PDS5B: variants seen among roughly 807,000 people sequenced by gnomAD.
PDS5B encodes sister chromatid cohesion protein PDS5 homolog B.
Under a neutral mutation model 184.1 loss-of-function variants are expected in PDS5B, and 51 were observed. The observed-to-expected ratio is 0.28, with a 90% CI of 0.22 to 0.35. The LOEUF is 0.35. Among genes scored for constraint, PDS5B ranks in the 10% least tolerant of loss-of-function variants. The pLI, the probability that PDS5B is intolerant of heterozygous loss-of-function variation, is 1.00. For synonymous variants in PDS5B, 566 were observed against 569.2 expected, an observed-to-expected ratio of 0.99 and a Z score of 0.08; for missense variants, 1,180 against 1,723.3, an observed-to-expected ratio of 0.68 and a Z score of 5.58.
At chr13:32,603,818 A>G (rs570857616) in intron 1 of PDS5B, among the ~76,000 whole-genome samples, 11 of 152,186 alleles carry the variant, frequency 7.2e-5, no homozygotes, top group Non-Finnish European at 1.3e-4. Context: ...TAAGTTGGAT[A>G]CTTAGGTATT....
chr13:32,612,706 A>G (rs1374493229), intron 1 of PDS5B, among the ~76,000 whole-genome samples: 2 of 152,206 alleles, frequency 1.3e-5, no homozygotes, highest in Non-Finnish European at 2.9e-5. Context: ...GTTAGTTATC[A>G]CAGGAGTGGA....
chr13:32,678,238 C>T (rs993228901), intron 9 of PDS5B, among the ~76,000 whole-genome samples: 1 of 152,068 alleles, frequency 6.6e-6, no homozygotes, highest in African/African-American at 2.4e-5. Flanking sequence ...ACATATCAAC[C>T]AAAGAATTTT....
intron 31 of PDS5B, among the ~76,000 whole-genome samples, chr13:32,765,413 C>T (rs754028400): frequency 3.3e-5 from 5 of 152,116 alleles, no homozygotes; most frequent in African/African-American, 1.2e-4. Flanking sequence ...TTAAAATGTT[C>T]GAATCTACGT....
chr13:32,627,005 A>G lies in PDS5B; in HGVS notation c.-19-21749A>G, dbSNP rs78566656. 1.2e-4 allele frequency among the ~76,000 whole-genome samples: 16 copies of G among 137,544 alleles called. No individual in the cohort carries two copies. In the East Asian group the frequency reaches 2.2e-3, roughly 19 times the overall value. 90.2% of individuals were successfully genotyped at this position (137,544 alleles called of 152,430 possible). A position where few individuals can be genotyped will look rare whatever the true frequency, so the allele number is the denominator to read the frequency against. On this transcript the variant is annotated intron_variant, in intron 1 of 34. Coordinates refer to ENST00000315596, the MANE Select transcript of PDS5B (RefSeq NM_015032.4). The stretch of plus-strand genomic sequence containing the variant: ...TGTTTCCTGTTTTCCACTGATTTCT[A>G]TCTAGCACTTTTTTTTATCACATCA...
chr13:32,616,838 G>C (rs1225197559), intron 1 of PDS5B, among the ~76,000 whole-genome samples: 1 of 152,170 alleles, frequency 6.6e-6, no homozygotes, highest in Non-Finnish European at 1.5e-5. Flanking sequence ...AAATGCCCTA[G>C]TGTTTGTAAG....
intron 1 of PDS5B, among the ~76,000 whole-genome samples, chr13:32,637,439 G>C (rs1191405289): frequency 6.6e-6 from 1 of 152,098 alleles, no homozygotes; most frequent in Non-Finnish European, 1.5e-5. Flanking sequence ...AAAATTGGGA[G>C]ACATTTTGTT....
chr13:32,770,244 C>G lies in PDS5B; in HGVS notation c.3748C>G (p.Arg1250Gly). The change falls in exon 32 of 35, where the codon CGG becomes GGG. Residue 1250 changes from arginine (R) to glycine (G), a missense_variant. Arg to Gly is a moderately radical substitution (Grantham distance 125, BLOSUM62 -2). This residue lies in a region of PDS5B where 465 missense variants were observed against 497.8 expected (regional missense o/e 0.93). Transcript: ENST00000315596. ...EQKPKGSQRS[R>G]KRGHTASESD... ...GAAACCTAAAGGCAGTCAGCGAAGT[C>G]GGAAAAGAGGCCATACGGCTTCAGA... The G allele has an allele frequency of 1.2e-6, 2 of 1,613,508 alleles. No homozygotes were observed. Among genetic ancestry groups the G allele is most frequent in the East Asian group, 4.5e-5 (2 of 44,840 alleles).
intron 1 of PDS5B, among the ~76,000 whole-genome samples, chr13:32,648,093 G>C (rs1390626191): frequency 6.6e-6 from 1 of 152,162 alleles, no homozygotes. Context: ...CTGTATTCAT[G>C]TTGCCTTTCT....
chr13:32,617,994 T>G (rs1228869142), intron 1 of PDS5B, among the ~76,000 whole-genome samples: 1 of 152,146 alleles, frequency 6.6e-6, no homozygotes, highest in Non-Finnish European at 1.5e-5. Flanking sequence ...TTGTGTAGTC[T>G]GGTAAGGGCT....
At chr13:32,662,957 A>T (rs775674699) in intron 6 of PDS5B, among the ~76,000 whole-genome samples, 1 of 152,174 alleles carries the variant, frequency 6.6e-6, no homozygotes, top group Non-Finnish European at 1.5e-5. Flanking sequence ...GGAATATTTT[A>T]TGCTAACATA....
chr13:32,724,581 GTTGT>G (rs1011629252), intron 19 of PDS5B, among the ~76,000 whole-genome samples: 1 of 151,876 alleles, frequency 6.6e-6, no homozygotes, highest in Non-Finnish European at 1.5e-5. Context: ...CTTCTTTGTT[GTTGT>G]TTGTTTTGAT....
In PDS5B at chr13:32,777,426, G is replaced by A. The variant is rs1327245133; in HGVS notation, c.*2374G>A. On this transcript the variant is annotated 3_prime_UTR_variant, in exon 35 of 35. Transcript: ENST00000315596. ...TTGATGTCTTGAGTCTCCATCTTAG[G>A]GGATTATCTTACGTTTAAGCTTAAC... 1 of 147,634 alleles carries A rather than the reference G, an allele frequency of 6.8e-6. No homozygotes were observed. The highest frequency in any genetic ancestry group is 1.9e-4 in the East Asian group (1 of 5,142). 9.1% of individuals were successfully genotyped at this position (147,634 alleles called of 1,614,324 possible). A position where few individuals can be genotyped will look rare whatever the true frequency, so the allele number is the denominator to read the frequency against.
intron 13 of PDS5B, among the ~76,000 whole-genome samples, chr13:32,692,354 A>G (rs1323065454): frequency 7.0e-6 from 1 of 142,986 alleles, no homozygotes; most frequent in East Asian, 2.3e-4. Context: ...GTAGTAGAAG[A>G]TGGTATCGGG....
intron 6 of PDS5B, among the ~76,000 whole-genome samples, chr13:32,664,827 G>C (rs751062573): frequency 1.7e-4 from 25 of 149,966 alleles, no homozygotes; most frequent in Non-Finnish European, 2.8e-4. Flanking sequence ...CTCCAGCCTG[G>C]GTGACCAAGT....
chr13:32,652,975 TC>T (rs1356239373), intron 3 of PDS5B, among the ~76,000 whole-genome samples: 1 of 152,068 alleles, frequency 6.6e-6, no homozygotes, highest in Non-Finnish European at 1.5e-5. Flanking sequence ...ATAAGGCAGA[TC>T]AGGTAGGAAT....
intron 34 of PDS5B, among the ~76,000 whole-genome samples, chr13:32,774,543 G>A (rs1954896103): frequency 1.3e-5 from 2 of 152,124 alleles, no homozygotes; most frequent in African/African-American, 4.8e-5. Flanking sequence ...TTTCATTAGT[G>A]CTTGTCAGCA....
intron 6 of PDS5B, among the ~76,000 whole-genome samples, chr13:32,663,578 T>A (rs1213107016): frequency 6.6e-6 from 1 of 152,174 alleles, no homozygotes; most frequent in Non-Finnish European, 1.5e-5. Flanking sequence ...GAACTTAAAT[T>A]GATAAGGAGA....
At chr13:32,591,273 C>T (rs574586687) in intron 1 of PDS5B, among the ~76,000 whole-genome samples, 5 of 152,116 alleles carry the variant, frequency 3.3e-5, no homozygotes, top group African/African-American at 1.2e-4. Context: ...GGACTACAGG[C>T]GTGTGCCACC....
intron 17 of PDS5B, among the ~76,000 whole-genome samples, chr13:32,705,289 T>C (rs1252575684): frequency 6.6e-6 from 1 of 152,204 alleles, no homozygotes; most frequent in Non-Finnish European, 1.5e-5. Context: ...TATATCTAGG[T>C]TAAAAAATCT....
Sources: allele counts gnomAD v4.1 joint callset (sites outside exome capture counted in the v4.1 genomes callset), GRCh38; gene constraint gnomAD v4.1.1; regional missense constraint gnomAD v4.1.1; transcripts MANE v1.5; gene names NCBI Gene and HGNC (gene_info 2026-07-23, HGNC 2026-07-21).